The following ZNF385B variants were observed in gnomAD, a reference collection of about 807,000 sequenced individuals.
ZNF385B encodes the protein zinc finger protein 385B.
A neutral mutation model predicts 39.2 loss-of-function variants in ZNF385B; 23 were observed. That is an observed-to-expected ratio of 0.59 (90% CI 0.42 to 0.83). The LOEUF (loss-of-function observed/expected upper bound fraction) is 0.83. Among genes scored for constraint, ZNF385B ranks in the 40% least tolerant of loss-of-function variants. ZNF385B has a pLI of 0.00. For missense variants in ZNF385B, 552 were observed against 598.9 expected, an observed-to-expected ratio of 0.92 and a Z score of 0.82; for synonymous variants, 205 against 222.6, an observed-to-expected ratio of 0.92 and a Z score of 0.70.
In ZNF385B at chr2:179,442,512, T is replaced by C. The variant is rs2049060027; in HGVS notation, c.*738A>G. ...CTATGTTATATGGCTTTCTATTTCA[T>C]TTAAATATCTCCAAATAAAATGTGA... On this transcript the variant is annotated 3_prime_UTR_variant, in exon 10 of 10. Transcript: ENST00000410066. 6.5e-6 allele frequency: 1 copy of C among 152,674 alleles called. No individual in the cohort carries two copies. Among genetic ancestry groups the C allele is most frequent in the South Asian group, 2.1e-4 (1 of 4,834 alleles). The allele number at this position is 152,674 out of a possible 1,614,324, so 9.5% of individuals were successfully genotyped here. A position where few individuals can be genotyped will look rare whatever the true frequency, so the allele number is the denominator to read the frequency against.
intron 1 of ZNF385B, among the ~76,000 whole-genome samples, chr2:179,820,291 G>C (rs886809920): frequency 6.6e-6 from 1 of 152,026 alleles, no homozygotes; most frequent in Admixed American, 6.6e-5. Flanking sequence ...TTTGCATAAA[G>C]GTATTTGCAT....
intron 3 of ZNF385B, among the ~76,000 whole-genome samples, chr2:179,685,572 T>C (rs753369768): frequency 6.6e-6 from 1 of 152,206 alleles, no homozygotes; most frequent in African/African-American, 2.4e-5. Flanking sequence ...TACCCATTCA[T>C]GGACTATAGA....
At chr2:179,602,480 T>C (rs1156505735) in intron 3 of ZNF385B, among the ~76,000 whole-genome samples, 3 of 152,138 alleles carry the variant, frequency 2.0e-5, no homozygotes, top group African/African-American at 7.2e-5. Context: ...ATTACAGGTG[T>C]GAGCCATCGC....
At chr2:179,620,198 A>G (rs1690092434) in intron 3 of ZNF385B, among the ~76,000 whole-genome samples, 1 of 152,072 alleles carries the variant, frequency 6.6e-6, no homozygotes, top group Non-Finnish European at 1.5e-5. Flanking sequence ...ACAGAGATAA[A>G]CTTTTCCTGT....
At chr2:179,675,695 G>A (rs1002269596) in intron 3 of ZNF385B, among the ~76,000 whole-genome samples, 2 of 152,140 alleles carry the variant, frequency 1.3e-5, no homozygotes, top group African/African-American at 2.4e-5. Flanking sequence ...GTTGAGGTGA[G>A]GCCAAGGAGT....
intron 1 of ZNF385B, among the ~76,000 whole-genome samples, chr2:179,779,310 C>G (rs539754674): frequency 9.7e-4 from 148 of 152,294 alleles, no homozygotes; most frequent in African/African-American, 3.2e-3. Context: ...CGAAAGATGG[C>G]AGATGTGACA....
intron 6 of ZNF385B, among the ~76,000 whole-genome samples, chr2:179,447,322 A>T (rs895276854): frequency 6.6e-6 from 1 of 152,212 alleles, no homozygotes; most frequent in Non-Finnish European, 1.5e-5. Context: ...AATGCAATTT[A>T]TCCAAAATAT....
intron 6 of ZNF385B, among the ~76,000 whole-genome samples, chr2:179,451,018 C>T (rs1473910708): frequency 6.9e-6 from 1 of 145,742 alleles, no homozygotes; most frequent in Non-Finnish European, 1.5e-5. Context: ...CCAAACACCA[C>T]ATGTTCTCAC....
chr2:179,650,014 C>T (rs1408661321), intron 3 of ZNF385B, among the ~76,000 whole-genome samples: 1 of 152,138 alleles, frequency 6.6e-6, no homozygotes, highest in Non-Finnish European at 1.5e-5. Flanking sequence ...AATGTCATGC[C>T]TGGAGACCCA....
intron 3 of ZNF385B, among the ~76,000 whole-genome samples, chr2:179,599,527 A>G (rs1688250177): frequency 6.6e-6 from 1 of 152,232 alleles, no homozygotes; most frequent in East Asian, 1.9e-4. Context: ...ATGTTTTTAT[A>G]GTTTTATGTG....
chr2:179,549,692 T>C (rs572280430), intron 3 of ZNF385B, among the ~76,000 whole-genome samples: 3 of 149,710 alleles, frequency 2.0e-5, no homozygotes, highest in Non-Finnish European at 4.4e-5. Context: ...CAGAACATTA[T>C]TGGCAATAGT....
chr2:179,540,804 T>C (rs2059874891), intron 4 of ZNF385B, among the ~76,000 whole-genome samples: 1 of 152,134 alleles, frequency 6.6e-6, no homozygotes, highest in Non-Finnish European at 1.5e-5. Context: ...ATTAATGTAA[T>C]CTGGGGCTAC....
rs372658183 is a variant in ZNF385B at position 179,762,258 on chromosome 2, C to T, written c.298+7245G>A. Among the ~76,000 whole-genome samples, 36 of 151,954 alleles carry T rather than the reference C, an allele frequency of 2.4e-4. No homozygotes were observed. In the East Asian group the frequency reaches 6.0e-3, roughly 25 times the overall value. On this transcript the variant is annotated intron_variant, in intron 3 of 9. Coordinates refer to ENST00000410066, the MANE Select transcript of ZNF385B (RefSeq NM_152520.6). ...AGGCTGGAGTGCAGTGGCGTGATTT[C>T]GGCTCACTGCAACCTCCACCTCCCA...
chr2:179,832,013 A>C (rs1330400503), intron 1 of ZNF385B, among the ~76,000 whole-genome samples: 1 of 152,192 alleles, frequency 6.6e-6, no homozygotes, highest in Admixed American at 6.5e-5. Flanking sequence ...AATTTAGGCA[A>C]GACTGCCCGC....
Position 179,443,335 on chromosome 2 carries a change from G to A in ZNF385B, c.1376C>T (p.Ala459Val). Residue 459 changes from alanine (A) to valine (V), a missense_variant, in exon 10 of 10, where the codon GCT becomes GTT. By Grantham distance (64) the Ala-to-Val change is moderately conservative. Coordinates refer to ENST00000410066, the MANE Select transcript of ZNF385B (RefSeq NM_152520.6). ...PPRPSASLFQAPAIPPALLRP... is the reference protein window; with the variant it reads ...PPRPSASLFQVPAIPPALLRP... ...CAGAAGAGCTGGAGGAATGGCTGGAGCCTGGAAGAGCGAGGCAGAGGGCCG... is the reference window on the plus strand; with the variant it reads ...CAGAAGAGCTGGAGGAATGGCTGGAACCTGGAAGAGCGAGGCAGAGGGCCG... 2 of 1,612,866 alleles carry A rather than the reference G, an allele frequency of 1.2e-6. No homozygotes were observed. The highest frequency in any genetic ancestry group is 1.7e-6 in the Non-Finnish European group (2 of 1,179,806).
chr2:179,820,778 A>C (rs1707354065), intron 1 of ZNF385B, among the ~76,000 whole-genome samples: 2 of 152,072 alleles, frequency 1.3e-5, no homozygotes, highest in African/African-American at 4.8e-5. Flanking sequence ...ATAGTAATGA[A>C]TTTCAAGGGT....
chr2:179,468,222 T>C (rs1189983567), intron 6 of ZNF385B, among the ~76,000 whole-genome samples: 1 of 152,226 alleles, frequency 6.6e-6, no homozygotes, highest in African/African-American at 2.4e-5. Context: ...CTGGCACCGA[T>C]GTTAGTGAAC....
chr2:179,787,427 A>C (rs114029472), intron 1 of ZNF385B, among the ~76,000 whole-genome samples: 1 of 152,052 alleles, frequency 6.6e-6, no homozygotes, highest in African/African-American at 2.4e-5. Context: ...CCAATACAAT[A>C]TCTCTTAATA....
At chr2:179,803,610 A>G (rs1335722808) in intron 1 of ZNF385B, among the ~76,000 whole-genome samples, 1 of 152,216 alleles carries the variant, frequency 6.6e-6, no homozygotes, top group Non-Finnish European at 1.5e-5. Flanking sequence ...TTTGCACATT[A>G]TCATTATTTG....
Sources: allele counts gnomAD v4.1 joint callset (sites outside exome capture counted in the v4.1 genomes callset), GRCh38; gene constraint gnomAD v4.1.1; transcripts MANE v1.5; gene names NCBI Gene and HGNC (gene_info 2026-07-23, HGNC 2026-07-21).